Variants in MMP27 observed in about 807,000 individuals in gnomAD.
MMP27 encodes matrix metalloproteinase-27.
In MMP27, 51 loss-of-function variants were observed where a neutral mutation model predicts 48.1. The ratio of observed to expected loss-of-function variants is 1.06; its 90% CI spans 0.85 to 1.34. The LOEUF (loss-of-function observed/expected upper bound fraction) is 1.34. Among genes scored for constraint, MMP27 ranks in the 40% most tolerant of loss-of-function variants. The pLI, the probability that MMP27 is intolerant of heterozygous loss-of-function variation, is 0.00. For missense variants in MMP27, 698 were observed against 619.3 expected, an observed-to-expected ratio of 1.13 and a Z score of -1.35; for synonymous variants, 229 against 208.9, an observed-to-expected ratio of 1.10 and a Z score of -0.83.
Position 102,696,465 on chromosome 11 carries a change from G to A in MMP27, c.808C>T (p.Pro270Ser), listed in dbSNP as rs773427783. Reference sequence around the variant, plus strand: ...GCATGGGGTATAGTGGGTTCCTTTGGCTTAGCAGGTTCCTTAGGCAGACCT... The same window carrying A: ...GCATGGGGTATAGTGGGTTCCTTTGACTTAGCAGGTTCCTTAGGCAGACCT... ...YGGLPKEPAKPKEPTIPHACD... is the reference protein window; with the variant it reads ...YGGLPKEPAKSKEPTIPHACD... Residue 270 changes from proline to serine, a missense_variant, in exon 6 of 10, where the codon CCA (proline) becomes TCA (serine). Physicochemically the swap from Pro to Ser is moderately conservative, Grantham distance 74. Coordinates refer to ENST00000260229, the MANE Select transcript of MMP27 (RefSeq NM_022122.3). 6 of 1,613,736 alleles carry A rather than the reference G, an allele frequency of 3.7e-6. No homozygotes were observed. The highest frequency in any genetic ancestry group is 5.1e-6 in the Non-Finnish European group (6 of 1,179,806).
chr11:102,702,240 A>G (rs7931738), intron 4 of MMP27, among the ~76,000 whole-genome samples: 4,555 of 152,344 alleles, frequency 0.03, 237 homozygotes, highest in African/African-American at 0.1. Flanking sequence ...GAGGAAGTTC[A>G]TGCTTTGAAT....
chr11:102,696,597 G>A (rs997483101), intron 5 of MMP27, 77 bp downstream of exon 5: 2 of 1,568,058 alleles, frequency 1.3e-6, no homozygotes, highest in African/African-American at 1.4e-5. Context: ...AATATTTCAA[G>A]AAGTGATTTT....
intron 4 of MMP27, among the ~76,000 whole-genome samples, chr11:102,697,345 T>C (rs2134267327): frequency 6.6e-6 from 1 of 152,302 alleles, no homozygotes; most frequent in East Asian, 1.9e-4. Flanking sequence ...GGACTGGAAG[T>C]TGCTCTGGGT....
intron 7 of MMP27, 37 bp from the exon 8 acceptor site, chr11:102,694,102 G>T: frequency 3.5e-6 from 5 of 1,439,916 alleles, no homozygotes; most frequent in South Asian, 3.1e-5. Context: ...TTTCTAGAGG[G>T]AGAAATAGGT....
At chr11:102,695,248 A>G (rs1860802971) in intron 6 of MMP27, 151 bp from the exon 7 acceptor site, 1 of 905,156 alleles carries the variant, frequency 1.1e-6, no homozygotes, top group African/African-American at 1.7e-5. Context: ...AATTTAGGTG[A>G]TTGTGAGTTC....
chr11:102,699,384 C>A (rs897962297), intron 4 of MMP27, among the ~76,000 whole-genome samples: 3 of 152,052 alleles, frequency 2.0e-5, no homozygotes, highest in Non-Finnish European at 2.9e-5. Flanking sequence ...AGGAGAATTG[C>A]TTGAGTCCAA....
chr11:102,692,045 TA>T (rs750906024), intron 9 of MMP27, 35 bp from the exon 10 acceptor site: 1 of 1,539,168 alleles, frequency 6.5e-7, no homozygotes, highest in Non-Finnish European at 8.7e-7. Flanking sequence ...TTATCTTTCA[TA>T]ACTATATAAT....
In MMP27 at chr11:102,703,023, A is replaced by C. The variant is rs1411590796; in HGVS notation, c.437T>G (p.Phe146Cys). 1.2e-6 allele frequency: 2 copies of C among 1,614,186 alleles called. No individual in the cohort carries two copies. The highest frequency in any genetic ancestry group is 1.7e-6 in the Non-Finnish European group (2 of 1,180,008). Residue 146 changes from phenylalanine (F) to cysteine (C), a missense_variant, in exon 3 of 10, where the codon TTC becomes TGC. Transcript: ENST00000260229. ...TGCAATCCCCTTTGAAATCTTGGTG[A>C]ATTTTAGTGGAGTGACTTTGCTCCA... ...EVWSKVTPLK[F>C]TKISKGIADI... is the part of the protein sequence containing the mutation.
Position 102,691,908 on chromosome 11 carries a change from T to C in MMP27, c.1400A>G (p.Glu467Gly), listed in dbSNP as rs1565424314. The change falls in exon 10 of 10, where the codon GAA becomes GGA. Residue 467 changes from glutamate (E) to glycine (G), a missense_variant. Glu to Gly is a moderately conservative substitution (Grantham distance 98). Coordinates refer to ENST00000260229, the MANE Select transcript of MMP27 (RefSeq NM_022122.3). Reference protein sequence around the residue: ...MRTNTWFQCKEPKNSSFGFDI... With the variant: ...MRTNTWFQCKGPKNSSFGFDI... Reference sequence around the variant, plus strand: ...AAAACCAAATGAGGAGTTCTTTGGTTCTTTGCATTGAAACCAAGTATTAGT... The same window carrying C: ...AAAACCAAATGAGGAGTTCTTTGGTCCTTTGCATTGAAACCAAGTATTAGT... The C allele has an allele frequency of 3.7e-6, 6 of 1,613,556 alleles. No individual in the cohort carries two copies. The Admixed American group carries it at 5.0e-5, about 13-fold the overall frequency.
At chr11:102,701,212 G>A (rs1351703521) in intron 4 of MMP27, among the ~76,000 whole-genome samples, 1 of 152,056 alleles carries the variant, frequency 6.6e-6, no homozygotes, top group Non-Finnish European at 1.5e-5. Context: ...CTGCCTGGTT[G>A]CCCACCCAGA....
chr11:102,696,566 A>T (rs1371647489), intron 5 of MMP27, 75 bp from the exon 6 acceptor site: 31 of 1,580,186 alleles, frequency 2.0e-5, no homozygotes, highest in Non-Finnish European at 2.3e-5. Flanking sequence ...GTCTTACCTA[A>T]GTGGATATTT....
At chr11:102,698,065 T>G (rs1860866411) in intron 4 of MMP27, among the ~76,000 whole-genome samples, 1 of 152,170 alleles carries the variant, frequency 6.6e-6, no homozygotes, top group Admixed American at 6.5e-5. Context: ...TACCTATTCT[T>G]TCTTTCTTTC....
chr11:102,696,048 A>G (rs749119008), intron 6 of MMP27, among the ~76,000 whole-genome samples: 15 of 152,318 alleles, frequency 9.8e-5, no homozygotes, highest in Middle Eastern at 3.4e-3. Context: ...ATTTAACAAT[A>G]GACTCCTGTA....
In MMP27 at chr11:102,692,997, C is replaced by A. The variant is rs1860753432; in HGVS notation, c.1238G>T (p.Arg413Ile). 1.9e-6 allele frequency: 3 copies of A among 1,613,808 alleles called. No individual in the cohort carries two copies. Among genetic ancestry groups the A allele is most frequent in the Non-Finnish European group, 2.5e-6 (3 of 1,179,842 alleles). The change falls in exon 9 of 10, where the codon AGA (arginine) becomes ATA (isoleucine). Residue 413 changes from arginine to isoleucine, a missense_variant. By Grantham distance (97) the Arg-to-Ile change is moderately conservative. Coordinates refer to ENST00000260229, the MANE Select transcript of MMP27 (RefSeq NM_022122.3). ...TQTMDKGFPQ[R>I]VVKHFPGISI... ...GATTCCAGGAAAGTGTTTTACCACTCTCTGCGGGAACCCTTTGTCCATGGT... is the reference window on the plus strand; with the variant it reads ...GATTCCAGGAAAGTGTTTTACCACTATCTGCGGGAACCCTTTGTCCATGGT...
chr11:102,700,283 A>G (rs1036746525), intron 4 of MMP27, among the ~76,000 whole-genome samples: 1 of 152,252 alleles, frequency 6.6e-6, no homozygotes, highest in African/African-American at 2.4e-5. Flanking sequence ...AGATGACAAA[A>G]GTCTCTGTCT....
chr11:102,700,892 A>G (rs1860927538), intron 4 of MMP27, among the ~76,000 whole-genome samples: 1 of 152,268 alleles, frequency 6.6e-6, no homozygotes, highest in South Asian at 2.1e-4. Flanking sequence ...TCATTGGCAG[A>G]TGATGTGTCT....
Position 102,692,923 on chromosome 11 carries a change from G to A in MMP27, c.1297+15C>T. On this transcript the variant is annotated intron_variant, in intron 9 of 9. Coordinates refer to ENST00000260229, the MANE Select transcript of MMP27 (RefSeq NM_022122.3). ...GTCTCTCAAGTATCCCAATAAGTGA[G>A]ACATCCATGCTTACCTTTGTACTGG... The A allele has an allele frequency of 6.3e-7, 1 of 1,596,786 alleles. No homozygotes were observed. Among genetic ancestry groups the A allele is most frequent in the East Asian group, 2.2e-5 (1 of 44,698 alleles).
chr11:102,705,361 C>G (rs1861026625), intron 1 of MMP27, among the ~76,000 whole-genome samples: 1 of 152,068 alleles, frequency 6.6e-6, no homozygotes, highest in Non-Finnish European at 1.5e-5. Context: ...CTCCTTTCTC[C>G]TCGCACTAAA....
intron 2 of MMP27, among the ~76,000 whole-genome samples, chr11:102,703,902 T>A (rs1860994773): frequency 6.6e-6 from 1 of 152,236 alleles, no homozygotes; most frequent in African/African-American, 2.4e-5. Flanking sequence ...CCTATCTTGC[T>A]AAATTCATTT....
Sources: allele counts gnomAD v4.1 joint callset (sites outside exome capture counted in the v4.1 genomes callset), GRCh38; gene constraint gnomAD v4.1.1; transcripts MANE v1.5; gene names NCBI Gene and HGNC (gene_info 2026-07-23, HGNC 2026-07-21).